The following CCDC86 variants were observed in gnomAD, a reference collection of about 807,000 sequenced individuals.
The protein encoded by CCDC86 is coiled-coil domain-containing protein 86.
CCDC86 carries 28 observed loss-of-function variants against 36.7 expected under a neutral mutation model. The observed-to-expected ratio is 0.76, with a 90% CI of 0.57 to 1.05. The LOEUF is 1.05. CCDC86 is among the 50% of genes least tolerant of loss of function. The probability of loss-of-function intolerance (pLI) is 0.00; values close to 1 mark genes in which losing one functional copy is unlikely to be tolerated. For synonymous variants in CCDC86, 199 were observed against 203.4 expected, an observed-to-expected ratio of 0.98 and a Z score of 0.18; for missense variants, 453 against 470.2, an observed-to-expected ratio of 0.96 and a Z score of 0.34.
chr11:60,843,736 C>A (rs1855152365), intron 1 of CCDC86, among the ~76,000 whole-genome samples: 1 of 152,158 alleles, frequency 6.6e-6, no homozygotes. Context: ...CCAATTCGAG[C>A]TAATGGGAAC....
At position 60,842,153 on chromosome 11, in the gene CCDC86, GGCTGGGAGGCCTA is replaced by G; in HGVS notation, c.30_42del (p.Leu11GlyfsTer131). ...GATACACCGTTAAGGCGCAGCCGAC[GGCTGGGAGGCCTA>G]AGGCCCGAATCCCCCGAGAGCCTCA... is the stretch of plus-strand genomic sequence containing the variant. On this transcript the variant is annotated frameshift_variant, in exon 1 of 4. Transcript: ENST00000227520. LOFTEE classifies it high-confidence loss of function. 1 of 1,600,108 alleles carries G rather than the reference GGCTGGGAGGCCTA, an allele frequency of 6.2e-7. No individual in the cohort carries two copies.
Position 60,842,117 on chromosome 11 carries a change from G to C in CCDC86, c.-8G>C, listed in dbSNP as rs1590569926. On this transcript the variant is annotated 5_prime_UTR_variant, in exon 1 of 4. Transcript: ENST00000227520. ...TGCGCAGGGGTGTGGAAACTTACCG[G>C]CTGAGCCATGGATACACCGTTAAGG... The C allele has an allele frequency of 6.5e-7, 1 of 1,529,120 alleles. No homozygotes were observed. The highest frequency in any genetic ancestry group is 8.8e-7 in the Non-Finnish European group (1 of 1,138,172). 94.7% of individuals were successfully genotyped at this position (1,529,120 alleles called of 1,614,324 possible).
chr11:60,850,385 C>T lies in CCDC86; in HGVS notation c.*60C>T. ...ACCATGTCAGACACAGCACCTCAGGCCGCTGCTCAGATGCCTCTGCTGGAG... is the reference window on the plus strand; with the variant it reads ...ACCATGTCAGACACAGCACCTCAGGTCGCTGCTCAGATGCCTCTGCTGGAG... On this transcript the variant is annotated 3_prime_UTR_variant, in exon 4 of 4. Coordinates refer to ENST00000227520, the MANE Select transcript of CCDC86 (RefSeq NM_024098.4). 6.3e-7 allele frequency: 1 copy of T among 1,585,574 alleles called. No individual in the cohort carries two copies. Among genetic ancestry groups the T allele is most frequent in the Non-Finnish European group, 8.6e-7 (1 of 1,161,622 alleles).
At chr11:60,844,146 C>T (rs1360789495) in intron 1 of CCDC86, among the ~76,000 whole-genome samples, 2 of 152,118 alleles carry the variant, frequency 1.3e-5, no homozygotes, top group African/African-American at 2.4e-5. Context: ...CTGGTACTCA[C>T]GCTGCAGGTG....
chr11:60,842,822 C>G lies in CCDC86; in HGVS notation c.698C>G (p.Pro233Arg), dbSNP rs754692557. 1.2e-6 allele frequency: 2 copies of G among 1,601,828 alleles called. No individual in the cohort carries two copies. The highest frequency in any genetic ancestry group is 4.5e-5 in the East Asian group (2 of 44,700). The change falls in exon 1 of 4, where the codon CCT (proline) becomes CGT (arginine). Residue 233 changes from proline to arginine, a missense_variant. Transcript: ENST00000227520. ...ASKKLNKEEL[P>R]VIPKGKPKSG... Reference sequence around the variant, plus strand: ...AAGAAGTTGAATAAAGAGGAGCTTCCTGTAATCCCGAAGGGGAAGCCCAAA... The same window carrying G: ...AAGAAGTTGAATAAAGAGGAGCTTCGTGTAATCCCGAAGGGGAAGCCCAAA...
chr11:60,848,036 A>C lies in CCDC86; in HGVS notation c.871A>C (p.Lys291Gln), dbSNP rs372994199. ...KDFARHLEEEKERRRQEKKQR... is the reference protein window; with the variant it reads ...KDFARHLEEEQERRRQEKKQR... ...CTTTGCCCGTCACCTGGAGGAGGAGAAGGAGAGGCGCCGCCAGGTGAGGGG... is the reference window on the plus strand; with the variant it reads ...CTTTGCCCGTCACCTGGAGGAGGAGCAGGAGAGGCGCCGCCAGGTGAGGGG... Residue 291 changes from lysine (K) to glutamine (Q), a missense_variant, in exon 2 of 4, where the codon AAG becomes CAG. Transcript: ENST00000227520. 1 of 1,613,042 alleles carries C rather than the reference A, an allele frequency of 6.2e-7. No individual in the cohort carries two copies. Among genetic ancestry groups the C allele is most frequent in the East Asian group, 2.2e-5 (1 of 44,818 alleles).
chr11:60,846,137 CTG>C lies in CCDC86; in HGVS notation c.759-1783_759-1782del, dbSNP rs1855179787. Among the ~76,000 whole-genome samples, 3 of 152,176 alleles carry C rather than the reference CTG, an allele frequency of 2.0e-5. No individual in the cohort carries two copies. The South Asian group carries it at 6.2e-4, about 32-fold the overall frequency. On this transcript the variant is annotated intron_variant, in intron 1 of 3. Coordinates refer to ENST00000227520, the MANE Select transcript of CCDC86 (RefSeq NM_024098.4). ...AGCCCTGCTCTACACAGATGCAGCA[CTG>C]TGTCTTGTGGTTCTGTGTGTCTCTA...
Position 60,842,792 on chromosome 11 carries a change from C to G in CCDC86, c.668C>G (p.Ala223Gly). 2 of 1,611,912 alleles carry G rather than the reference C, an allele frequency of 1.2e-6. No individual in the cohort carries two copies. The highest frequency in any genetic ancestry group is 1.7e-6 in the Non-Finnish European group (2 of 1,178,428). Reference protein sequence around the residue: ...KRKGSSSQAPASKKLNKEELP... With the variant: ...KRKGSSSQAPGSKKLNKEELP... Reference sequence around the variant, plus strand: ...AAAGGTTCTTCATCCCAGGCCCCAGCGTCCAAGAAGTTGAATAAAGAGGAG... The same window carrying G: ...AAAGGTTCTTCATCCCAGGCCCCAGGGTCCAAGAAGTTGAATAAAGAGGAG... Residue 223 changes from alanine to glycine, a missense_variant, in exon 1 of 4, where the codon GCG becomes GGG. Transcript: ENST00000227520.
intron 2 of CCDC86, among the ~76,000 whole-genome samples, chr11:60,848,263 A>C (rs1305720659): frequency 7.1e-6 from 1 of 140,626 alleles, no homozygotes; most frequent in African/African-American, 2.5e-5. Flanking sequence ...CCAGGGGACC[A>C]TACAGTTTAG....
Position 60,842,137 on chromosome 11 carries a change from T to C in CCDC86, c.13T>C (p.Leu5=). MDTP[L]RRSRRLGGLR... ...TACCGGCTGAGCCATGGATACACCGTTAAGGCGCAGCCGACGGCTGGGAGG... is the reference window on the plus strand; with the variant it reads ...TACCGGCTGAGCCATGGATACACCGCTAAGGCGCAGCCGACGGCTGGGAGG... The change falls in exon 1 of 4, where the codon TTA becomes CTA. Residue 5 remains leucine (L), a synonymous_variant. Transcript: ENST00000227520. 1 of 1,587,146 alleles carries C rather than the reference T, an allele frequency of 6.3e-7. No individual in the cohort carries two copies. Among genetic ancestry groups the C allele is most frequent in the South Asian group, 1.1e-5 (1 of 87,964 alleles).
chr11:60,847,657 C>T (rs1431090320), intron 1 of CCDC86: 1 of 239,206 alleles, frequency 4.2e-6, no homozygotes, highest in Non-Finnish European at 8.2e-6. Flanking sequence ...CTCTCCGCGC[C>T]TTGGCCTGCT....
At position 60,842,310 on chromosome 11, in the gene CCDC86, G is replaced by A. The variant is rs576062163; in HGVS notation, c.186G>A (p.Pro62=). ...QRAGLGSPER[P]PKTSPGSPRL... ...CTGGCCTGGGGTCCCCCGAAAGGCCGCCGAAGACAAGCCCAGGATCACCCC... is the reference window on the plus strand; with the variant it reads ...CTGGCCTGGGGTCCCCCGAAAGGCCACCGAAGACAAGCCCAGGATCACCCC... The change falls in exon 1 of 4, where the codon CCG becomes CCA. Residue 62 remains proline (P), a synonymous_variant. Transcript: ENST00000227520. 1.8e-5 allele frequency: 29 copies of A among 1,613,576 alleles called. No homozygotes were observed. The highest frequency in any genetic ancestry group is 2.4e-5 in the Non-Finnish European group (28 of 1,179,966).
In CCDC86 at chr11:60,843,190, T is replaced by C. The variant is rs1366038316; in HGVS notation, c.758+308T>C. Among the ~76,000 whole-genome samples, 8 of 152,126 alleles carry C rather than the reference T, an allele frequency of 5.3e-5. No homozygotes were observed. In the East Asian group the frequency reaches 1.5e-3, roughly 29 times the overall value. On this transcript the variant is annotated intron_variant, in intron 1 of 3. Coordinates refer to ENST00000227520, the MANE Select transcript of CCDC86 (RefSeq NM_024098.4). The stretch of plus-strand genomic sequence containing the variant: ...ATTTACCGTTGTCTGCCCTCTCTAG[T>C]GAGAGAAGCAGAAGCAAGTAAACCA...
intron 1 of CCDC86, among the ~76,000 whole-genome samples, chr11:60,845,094 G>A (rs1287023789): frequency 1.3e-5 from 2 of 152,230 alleles, no homozygotes; most frequent in Non-Finnish European, 2.9e-5. Context: ...TGAGCAGAGG[G>A]AGCCGGGCAG....
chr11:60,850,036 T>G, intron 3 of CCDC86, 22 bp downstream of exon 3: 1 of 1,612,694 alleles, frequency 6.2e-7, no homozygotes, highest in Non-Finnish European at 8.5e-7. Flanking sequence ...GTTTTCCCCC[T>G]CTGCCCTTCT....
chr11:60,842,288 G>GC lies in CCDC86; in HGVS notation c.166dup (p.Leu56ProfsTer57). ...TCTCCTCCGAGTGTGCAGCGGGCTG[G>GC]CCTGGGGTCCCCCGAAAGGCCGCCG... On this transcript the variant is annotated frameshift_variant, in exon 1 of 4. Coordinates refer to ENST00000227520, the MANE Select transcript of CCDC86 (RefSeq NM_024098.4). LOFTEE classifies it high-confidence loss of function. The GC allele has an allele frequency of 6.2e-7, 1 of 1,613,530 alleles. No individual in the cohort carries two copies. The highest frequency in any genetic ancestry group is 8.5e-7 in the Non-Finnish European group (1 of 1,179,940).
Position 60,842,887 on chromosome 11 carries a change from A to G in CCDC86, c.758+5A>G. The G allele has an allele frequency of 1.9e-6, 3 of 1,554,484 alleles. No homozygotes were observed. The highest frequency in any genetic ancestry group is 2.6e-6 in the Non-Finnish European group (3 of 1,149,146). On this transcript the variant is annotated splice_donor_5th_base_variant and intron_variant, in intron 1 of 3. Transcript: ENST00000227520. ...GAAGGACCGCTCCAAGAAAAGGTGA[A>G]GTGGGGGACAGCATGGACAGGGGTG...
chr11:60,842,132 C>A lies in CCDC86; in HGVS notation c.8C>A (p.Thr3Lys). Residue 3 changes from threonine to lysine, a missense_variant, in exon 1 of 4, where the codon ACA (threonine) becomes AAA (lysine). Transcript: ENST00000227520. ...AAACTTACCGGCTGAGCCATGGATACACCGTTAAGGCGCAGCCGACGGCTG... is the reference window on the plus strand; with the variant it reads ...AAACTTACCGGCTGAGCCATGGATAAACCGTTAAGGCGCAGCCGACGGCTG... MD[T>K]PLRRSRRLGG... 1 of 1,577,348 alleles carries A rather than the reference C, an allele frequency of 6.3e-7. No individual in the cohort carries two copies. The highest frequency in any genetic ancestry group is 8.6e-7 in the Non-Finnish European group (1 of 1,163,018).
At position 60,850,607 on chromosome 11, in the gene CCDC86, A is replaced by T; in HGVS notation, c.*282A>T. ...TTCTCCAAGTGCCTTCAAACCAAGA[A>T]CTGTACATTCTTCTGGTTCCTCAGT... is the stretch of plus-strand genomic sequence containing the variant. On this transcript the variant is annotated 3_prime_UTR_variant, in exon 4 of 4. Coordinates refer to ENST00000227520, the MANE Select transcript of CCDC86 (RefSeq NM_024098.4). 1 of 428,964 alleles carries T rather than the reference A, an allele frequency of 2.3e-6. No homozygotes were observed. Among genetic ancestry groups the T allele is most frequent in the Non-Finnish European group, 4.2e-6 (1 of 238,574 alleles). 26.6% of individuals were successfully genotyped at this position (428,964 alleles called of 1,614,324 possible). A position where few individuals can be genotyped will look rare whatever the true frequency, so the allele number is the denominator to read the frequency against.
Sources: allele counts gnomAD v4.1 joint callset (sites outside exome capture counted in the v4.1 genomes callset), GRCh38; gene constraint gnomAD v4.1.1; transcripts MANE v1.5; gene names NCBI Gene and HGNC (gene_info 2026-07-23, HGNC 2026-07-21).